PTPRU: variants seen among roughly 807,000 people sequenced by gnomAD.
The protein encoded by PTPRU is receptor-type tyrosine-protein phosphatase U.
PTPRU carries 69 observed loss-of-function variants against 166.3 expected under a neutral mutation model. That is an observed-to-expected ratio of 0.41 (90% CI 0.34 to 0.51). The LOEUF (loss-of-function observed/expected upper bound fraction) is 0.51. Ranked by LOEUF, PTPRU falls within the 20% of genes least tolerant of loss-of-function variation. The pLI is 0.09. For synonymous variants in PTPRU, 793 were observed against 814.0 expected, an observed-to-expected ratio of 0.97 and a Z score of 0.44; for missense variants, 1,657 against 2,013.7, an observed-to-expected ratio of 0.82 and a Z score of 3.39.
intron 7 of PTPRU, among the ~76,000 whole-genome samples, chr1:29,268,772 T>G (rs1179293902): frequency 6.6e-6 from 1 of 152,166 alleles, no homozygotes; most frequent in Non-Finnish European, 1.5e-5. Context: ...AGCACAGGGT[T>G]CCGCAGAGGA....
At chr1:29,306,451 G>A (rs1169449791) in intron 18 of PTPRU, among the ~76,000 whole-genome samples, 1 of 152,226 alleles carries the variant, frequency 6.6e-6, no homozygotes, top group Non-Finnish European at 1.5e-5. Flanking sequence ...ATATCTATTT[G>A]AGTGGGTGAG....
rs542209971 is a variant in PTPRU at position 29,257,836 on chromosome 1, T to C, written c.206-669T>C. 2.8e-4 allele frequency among the ~76,000 whole-genome samples: 43 copies of C among 152,136 alleles called. No homozygotes were observed. Among genetic ancestry groups the C allele is most frequent in the African/African-American group, 9.6e-4 (40 of 41,492 alleles). ...GGAAGGGGTGGCCTTTGAGGGACTG[T>C]TGTGTGCCAAGCTCTTGACTCCAGG... On this transcript the variant is annotated intron_variant, in intron 2 of 29. Transcript: ENST00000373779. The surrounding 1 kb of genome is among the most constrained non-coding windows in gnomAD (Gnocchi z 4.6).
At chr1:29,262,311 C>T (rs766529370) in intron 7 of PTPRU, among the ~76,000 whole-genome samples, 6 of 152,116 alleles carry the variant, frequency 3.9e-5, no homozygotes, top group Non-Finnish European at 7.4e-5. Flanking sequence ...AGCTTTATTG[C>T]AATATAATCC....
chr1:29,258,619 A>G lies in PTPRU; in HGVS notation c.320A>G (p.Tyr107Cys). ...THCVQFSYFL[Y>C]SRDGHSPGTL... ...TGTGTGCAGTTCAGCTACTTCCTGT[A>G]CAGCCGGGACGGGCACAGCCCGGGC... Residue 107 changes from tyrosine (Y) to cysteine (C), a missense_variant, in exon 3 of 30, where the codon TAC (tyrosine) becomes TGC (cysteine). Tyr to Cys is a radical substitution (Grantham distance 194). Around this residue, in one of 3 missense-constraint regions of PTPRU, gnomAD observed 453 missense variants for 496.9 expected, o/e 0.91. Transcript: ENST00000373779. The G allele has an allele frequency of 1.9e-6, 3 of 1,614,252 alleles. No individual in the cohort carries two copies. The highest frequency in any genetic ancestry group is 2.5e-6 in the Non-Finnish European group (3 of 1,180,046).
intron 7 of PTPRU, among the ~76,000 whole-genome samples, chr1:29,272,997 G>A (rs1685638835): frequency 6.6e-6 from 1 of 151,544 alleles, no homozygotes; most frequent in African/African-American, 2.4e-5. Flanking sequence ...TTTCTCACCT[G>A]TTCATTAAGG....
At position 29,258,577 on chromosome 1, in the gene PTPRU, G is replaced by A. The variant is rs751690828; in HGVS notation, c.278G>A (p.Ser93Asn). ...QRAHVIFQSL[S>N]ENDTHCVQFS... ...GCCCATGTCATCTTCCAGAGCCTGA[G>A]CGAGAATGATACCCACTGTGTGCAG... Residue 93 changes from serine (S) to asparagine (N), a missense_variant, in exon 3 of 30, where the codon AGC becomes AAC. Physicochemically the swap from Ser to Asn is conservative, Grantham distance 46 (BLOSUM62 1). Around this residue, in one of 3 missense-constraint regions of PTPRU, gnomAD observed 453 missense variants for 496.9 expected, o/e 0.91. Coordinates refer to ENST00000373779, the MANE Select transcript of PTPRU (RefSeq NM_133178.4). 1 of 1,614,272 alleles carries A rather than the reference G, an allele frequency of 6.2e-7. No individual in the cohort carries two copies. The highest frequency in any genetic ancestry group is 8.5e-7 in the Non-Finnish European group (1 of 1,180,050).
At chr1:29,247,729 A>AC (rs1684363094) in intron 1 of PTPRU, among the ~76,000 whole-genome samples, 1 of 152,172 alleles carries the variant, frequency 6.6e-6, no homozygotes, top group African/African-American at 2.4e-5. Flanking sequence ...CTCTACTGCT[A>AC]ACTCTGGGAT....
intron 7 of PTPRU, among the ~76,000 whole-genome samples, chr1:29,268,792 C>T (rs192717331): frequency 1.3e-5 from 2 of 152,320 alleles, no homozygotes; most frequent in Non-Finnish European, 2.9e-5. Context: ...ATCTCTATTG[C>T]ACTCCCCTTA....
chr1:29,323,718 T>G lies in PTPRU; in HGVS notation c.4042T>G (p.Leu1348Val), dbSNP rs1345534082. ...RDTPDSKKAFLHLLAEVDKWQ... is the reference protein window; with the variant it reads ...RDTPDSKKAFVHLLAEVDKWQ... Reference sequence around the variant, plus strand: ...CACACCTGACTCCAAGAAGGCCTTCTTGCACCTGCTGGCTGAGGTGGACAA... The same window carrying G: ...CACACCTGACTCCAAGAAGGCCTTCGTGCACCTGCTGGCTGAGGTGGACAA... The change falls in exon 28 of 30, where the codon TTG becomes GTG. Residue 1348 changes from leucine to valine, a missense_variant. Leu to Val is a conservative substitution (Grantham distance 32). Coordinates refer to ENST00000373779, the MANE Select transcript of PTPRU (RefSeq NM_133178.4). The G allele has an allele frequency of 3.1e-6, 5 of 1,613,982 alleles. No individual in the cohort carries two copies. The highest frequency in any genetic ancestry group is 1.6e-4 in the Middle Eastern group (1 of 6,084).
chr1:29,254,477 G>T lies in PTPRU; in HGVS notation c.74-798G>T, dbSNP rs1684686022. Among the ~76,000 whole-genome samples, 3 of 152,150 alleles carry T rather than the reference G, an allele frequency of 2.0e-5. No homozygotes were observed. In the South Asian group the frequency reaches 6.2e-4, roughly 32 times the overall value. ...GCTTCATCTAGTCAGTCATACATGTGCCTAGTCCACACATGACTGTGCTTT... is the reference window on the plus strand; with the variant it reads ...GCTTCATCTAGTCAGTCATACATGTTCCTAGTCCACACATGACTGTGCTTT... On this transcript the variant is annotated intron_variant, in intron 1 of 29. Transcript: ENST00000373779.
rs772668777 is a variant in PTPRU, at chr1:29,291,907, G to A, written c.2357G>A (p.Arg786His). The change falls in exon 15 of 30, where the codon CGC (arginine) becomes CAC (histidine). Residue 786 changes from arginine to histidine, a missense_variant. Coordinates refer to ENST00000373779, the MANE Select transcript of PTPRU (RefSeq NM_133178.4). This position sits in a 1 kb window ranked among gnomAD's most constrained non-coding sequence, Gnocchi z 4.1. ...VNMTKATVNYRQEKTHMMSAV... is the reference protein window; with the variant it reads ...VNMTKATVNYHQEKTHMMSAV... ...ATGACCAAGGCCACCGTCAACTACC[G>A]CCAGGAGAAGACACACATGATGAGC... is the stretch of plus-strand genomic sequence containing the variant. The A allele has an allele frequency of 4.3e-6, 7 of 1,613,968 alleles. No homozygotes were observed. In the East Asian group the frequency reaches 8.9e-5, roughly 21 times the overall value.
At chr1:29,289,450 C>A (rs1686516921) in intron 14 of PTPRU, among the ~76,000 whole-genome samples, 1 of 152,142 alleles carries the variant, frequency 6.6e-6, no homozygotes, top group Non-Finnish European at 1.5e-5. Flanking sequence ...TTCCCACCTC[C>A]TCCTCACTCC....
At chr1:29,274,597 C>A (rs549888643) in intron 7 of PTPRU, among the ~76,000 whole-genome samples, 3 of 152,106 alleles carry the variant, frequency 2.0e-5, no homozygotes, top group Non-Finnish European at 2.9e-5. Context: ...TCCCTCATTA[C>A]CCTGATTTCT....
chr1:29,259,358 C>T lies in PTPRU; in HGVS notation c.559+16C>T. On this transcript the variant is annotated intron_variant, in intron 4 of 29. Coordinates refer to ENST00000373779, the MANE Select transcript of PTPRU (RefSeq NM_133178.4). The stretch of plus-strand genomic sequence containing the variant: ...TACCCCTGCGGTGAGTCCCAGCCCA[C>T]TGGGGGCGCAGGGGTAAGGGGTGTG... The T allele has an allele frequency of 1.2e-6, 2 of 1,613,238 alleles. No individual in the cohort carries two copies. The highest frequency in any genetic ancestry group is 1.1e-5 in the South Asian group (1 of 91,002).
chr1:29,240,783 C>T (rs1169633084), intron 1 of PTPRU, among the ~76,000 whole-genome samples: 1 of 140,528 alleles, frequency 7.1e-6, no homozygotes, highest in Non-Finnish European at 1.5e-5. Flanking sequence ...GTGTGAGTGG[C>T]TGGGGAGGAG....
chr1:29,237,445 G>A lies in PTPRU; in HGVS notation c.73+728G>A, dbSNP rs1480278990. 1.2e-4 allele frequency among the ~76,000 whole-genome samples: 18 copies of A among 152,194 alleles called. No individual in the cohort carries two copies. The highest frequency in any genetic ancestry group is 1.5e-5 in the Non-Finnish European group (1 of 68,018). On this transcript the variant is annotated intron_variant, in intron 1 of 29. Transcript: ENST00000373779. This position sits in a 1 kb window ranked among gnomAD's most constrained non-coding sequence, Gnocchi z 6.4. The stretch of plus-strand genomic sequence containing the variant: ...TGTGAGTGTGTGCGAATGTGTCCGT[G>A]TGTGCTGGCTGCGCGTCCAGGAATG...
At chr1:29,258,367 G>C in intron 2 of PTPRU, 138 bp from the exon 3 acceptor site, 1 of 906,756 alleles carries the variant, frequency 1.1e-6, no homozygotes, top group Non-Finnish European at 1.7e-6. Flanking sequence ...CAGGGAGGTG[G>C]AGCTGGGGCC....
Position 29,289,752 on chromosome 1 carries a change from C to T in PTPRU, c.2319-2117C>T, listed in dbSNP as rs895247401. 5 of 1,607,334 alleles carry T rather than the reference C, an allele frequency of 3.1e-6. No individual in the cohort carries two copies. In the African/African-American group the frequency reaches 5.3e-5, roughly 17 times the overall value. ...CTTGCCTGGGAGTCCCCGGCCCTGCCTAGGGGGAGATCCCCTGTCCCCGCC... is the reference window on the plus strand; with the variant it reads ...CTTGCCTGGGAGTCCCCGGCCCTGCTTAGGGGGAGATCCCCTGTCCCCGCC... On this transcript the variant is annotated intron_variant, in intron 14 of 29. Coordinates refer to ENST00000373779, the MANE Select transcript of PTPRU (RefSeq NM_133178.4).
At chr1:29,292,047 C>T (rs989904933) in intron 15 of PTPRU, 21 bp downstream of exon 15, 8 of 1,612,460 alleles carry the variant, frequency 5.0e-6, no homozygotes, top group Non-Finnish European at 6.8e-6. Flanking sequence ...GGCCCTCCTA[C>T]CCCTTCTTCA....
Sources: gnomAD v4.1 joint callset for allele counts (sites outside exome capture counted in the v4.1 genomes callset) on GRCh38, gnomAD v4.1.1 for gene constraint, gnomAD v4.1.1 regional missense constraint, Gnocchi (gnomAD v3.1) non-coding constraint, MANE v1.5 for transcripts, NCBI Gene and HGNC (gene_info 2026-07-23, HGNC 2026-07-21) for gene names.